Variants in PLXDC2 observed in about 807,000 individuals in gnomAD.
The protein encoded by PLXDC2 is plexin domain containing 2, also known as plexin domain-containing protein 2.
Under a neutral mutation model 68.9 loss-of-function variants are expected in PLXDC2, and 40 were observed. The ratio of observed to expected loss-of-function variants is 0.58; its 90% CI spans 0.45 to 0.76. PLXDC2 has a LOEUF of 0.76. Among genes scored for constraint, PLXDC2 ranks in the 30% least tolerant of loss-of-function variants. The pLI is 0.00. For missense variants in PLXDC2, 644 were observed against 661.9 expected (o/e 0.97, Z 0.30); for synonymous variants, 243 against 234.2 (o/e 1.04, Z -0.34).
At chr10:20,270,555 T>G (rs1835924932) in intron 13 of PLXDC2, among the ~76,000 whole-genome samples, 1 of 152,150 alleles carries the variant, frequency 6.6e-6, no homozygotes, top group African/African-American at 2.4e-5. Context: ...TCTTTTCTTT[T>G]TTTTTTGAGA....
chr10:20,080,119 C>T (rs2131719796), intron 4 of PLXDC2, among the ~76,000 whole-genome samples: 1 of 152,192 alleles, frequency 6.6e-6, no homozygotes, highest in South Asian at 2.1e-4. Context: ...AAAGAAATTG[C>T]AGGAACTTCT....
At chr10:19,886,099 T>A (rs1837841231) in intron 1 of PLXDC2, among the ~76,000 whole-genome samples, 1 of 152,162 alleles carries the variant, frequency 6.6e-6, no homozygotes, top group Admixed American at 6.5e-5. Context: ...CCTAGGTATT[T>A]TATTCTCTTT....
rs1835217047 is a variant in PLXDC2 at position 20,221,906 on chromosome 10, T to C, written c.1312+2804T>C. On this transcript the variant is annotated intron_variant, in intron 12 of 13. Coordinates refer to ENST00000377252, the MANE Select transcript of PLXDC2 (RefSeq NM_032812.9). Reference sequence around the variant, plus strand: ...AATTTCAGCACATTTGATTTCTTGATTTAATTTATTTAATTGGACCGCTGT... The same window carrying C: ...AATTTCAGCACATTTGATTTCTTGACTTAATTTATTTAATTGGACCGCTGT... 2.0e-5 allele frequency among the ~76,000 whole-genome samples: 3 copies of C among 152,240 alleles called. No individual in the cohort carries two copies. In the South Asian group the frequency reaches 6.2e-4, roughly 31 times the overall value.
chr10:20,126,560 T>G lies in PLXDC2; in HGVS notation c.542-16735T>G, dbSNP rs772426857. Among the ~76,000 whole-genome samples the G allele has an allele frequency of 5.8e-3, 17 of 2,948 alleles. 2 individuals are homozygous for G. The highest frequency in any genetic ancestry group is 8.6e-3 in the Non-Finnish European group (11 of 1,272). The allele number at this position is 2,948 out of a possible 152,430, so 1.9% of individuals were successfully genotyped here. ...AACACACACGTTATATATGTATATATAACACACACGTTATATATGTATATA... is the reference window on the plus strand; with the variant it reads ...AACACACACGTTATATATGTATATAGAACACACACGTTATATATGTATATA... On this transcript the variant is annotated intron_variant, in intron 4 of 13. Transcript: ENST00000377252.
chr10:19,946,989 T>C (rs1304984522), intron 1 of PLXDC2, among the ~76,000 whole-genome samples: 2 of 152,128 alleles, frequency 1.3e-5, no homozygotes, highest in Admixed American at 1.3e-4. Context: ...GTCGGGTCCA[T>C]GGCCCTGGGG....
intron 12 of PLXDC2, among the ~76,000 whole-genome samples, chr10:20,243,090 C>G (rs1462180183): frequency 6.6e-6 from 1 of 152,118 alleles, no homozygotes; most frequent in East Asian, 1.9e-4. Flanking sequence ...GAATTATTTC[C>G]TAGAAGAACT....
chr10:20,129,895 CTGTTTTGATTTCTGTAGCTT>C (rs1420794769), intron 4 of PLXDC2, among the ~76,000 whole-genome samples: 13 of 152,034 alleles, frequency 8.6e-5, no homozygotes, highest in Non-Finnish European at 1.8e-4. Context: ...CAGAACCATT[CTGTTTTGATTTCTGTAGCTT>C]TGTAGTAGAT....
At chr10:20,023,383 C>G (rs544093110) in intron 2 of PLXDC2, among the ~76,000 whole-genome samples, 1 of 152,120 alleles carries the variant, frequency 6.6e-6, no homozygotes, top group African/African-American at 2.4e-5. Context: ...TGAATGTGTC[C>G]TCCAAAAAGC....
chr10:19,942,588 C>T (rs933866124), intron 1 of PLXDC2, among the ~76,000 whole-genome samples: 3 of 152,094 alleles, frequency 2.0e-5, no homozygotes, highest in African/African-American at 7.2e-5. Flanking sequence ...CACGGTGAAA[C>T]CCGTCTCGAC....
intron 1 of PLXDC2, among the ~76,000 whole-genome samples, chr10:19,828,729 G>C (rs1020670503): frequency 2.6e-5 from 4 of 152,210 alleles, no homozygotes; most frequent in African/African-American, 9.6e-5. Flanking sequence ...GTTTTTAGAA[G>C]AGGTGTTTGA....
At chr10:20,237,711 T>C (rs1835452542) in intron 12 of PLXDC2, among the ~76,000 whole-genome samples, 1 of 152,242 alleles carries the variant, frequency 6.6e-6, no homozygotes, top group South Asian at 2.1e-4. Flanking sequence ...AACTTTATTC[T>C]GAAGCTTTAA....
intron 5 of PLXDC2, among the ~76,000 whole-genome samples, chr10:20,145,767 A>G (rs964790326): frequency 1.3e-5 from 2 of 151,898 alleles, no homozygotes; most frequent in African/African-American, 4.8e-5. Context: ...GTTAGCCAGG[A>G]TGGTCTGGAT....
At chr10:20,017,526 G>C (rs1340656781) in intron 2 of PLXDC2, among the ~76,000 whole-genome samples, 1 of 152,088 alleles carries the variant, frequency 6.6e-6, no homozygotes, top group Non-Finnish European at 1.5e-5. Context: ...TGAAGAAACC[G>C]AATTCCAGTT....
At chr10:19,958,721 A>C (rs1564639355) in intron 1 of PLXDC2, among the ~76,000 whole-genome samples, 1 of 152,146 alleles carries the variant, frequency 6.6e-6, no homozygotes, top group Admixed American at 6.5e-5. Flanking sequence ...TTTTGTTTAA[A>C]TTTTATCTTA....
chr10:19,867,495 A>G (rs118089756), intron 1 of PLXDC2, among the ~76,000 whole-genome samples: 8 of 152,188 alleles, frequency 5.3e-5, no homozygotes, highest in African/African-American at 1.7e-4. Context: ...GGAGCCAAAC[A>G]TCGGGTAACT....
intron 4 of PLXDC2, among the ~76,000 whole-genome samples, chr10:20,142,299 C>A (rs142790168): frequency 2.5e-3 from 379 of 152,164 alleles, no homozygotes; most frequent in African/African-American, 8.8e-3. Context: ...CCAAACATTA[C>A]AATTGCATTG....
At chr10:20,140,412 T>TATAAA in intron 4 of PLXDC2, among the ~76,000 whole-genome samples, 1 of 147,226 alleles carries the variant, frequency 6.8e-6, no homozygotes, top group African/African-American at 2.5e-5. Flanking sequence ...AAAATATCTA[T>TATAAA]CTATCTATCT....
intron 5 of PLXDC2, 88 bp downstream of exon 5, chr10:20,143,505 AT>A: frequency 1.3e-6 from 2 of 1,539,212 alleles, no homozygotes; most frequent in Non-Finnish European, 8.9e-7. Flanking sequence ...TAAACTGTTT[AT>A]TTTTTGGTGT....
intron 1 of PLXDC2, among the ~76,000 whole-genome samples, chr10:19,971,211 A>G (rs1834346143): frequency 6.6e-6 from 1 of 152,086 alleles, no homozygotes; most frequent in Non-Finnish European, 1.5e-5. Flanking sequence ...CCTTTTAGTT[A>G]TTTCTGTTTT....
Sources: allele counts gnomAD v4.1 joint callset (sites outside exome capture counted in the v4.1 genomes callset), GRCh38; gene constraint gnomAD v4.1.1; transcripts MANE v1.5; gene names NCBI Gene and HGNC (gene_info 2026-07-23, HGNC 2026-07-21).